The following CACNA1B variants were observed in gnomAD, a reference collection of about 807,000 sequenced individuals.
CACNA1B encodes voltage-dependent N-type calcium channel subunit alpha-1B.
In CACNA1B, 70 loss-of-function variants were observed where a neutral mutation model predicts 247.2. That is an observed-to-expected ratio of 0.28 (90% CI 0.23 to 0.35). The LOEUF is 0.35. Ranked by LOEUF, CACNA1B falls within the 10% of genes least tolerant of loss-of-function variation. CACNA1B has a pLI of 1.00. For synonymous variants in CACNA1B, 1,231 were observed against 1,294.4 expected, an observed-to-expected ratio of 0.95 and a Z score of 1.05; for missense variants, 2,367 against 3,197.4, an observed-to-expected ratio of 0.74 and a Z score of 6.26.
chr9:137,960,785 C>T (rs1226148183), intron 10 of CACNA1B, among the ~76,000 whole-genome samples: 1 of 152,050 alleles, frequency 6.6e-6, no homozygotes, highest in East Asian at 1.9e-4. Context: ...AGAGGGGTGA[C>T]ACCCTCTGGC....
chr9:138,107,057 C>T (rs1386958152), intron 39 of CACNA1B, among the ~76,000 whole-genome samples: 2 of 152,052 alleles, frequency 1.3e-5, no homozygotes, highest in African/African-American at 4.8e-5. Context: ...TGCCTTTGTG[C>T]CATGGAATGT....
chr9:137,973,843 G>A lies in CACNA1B; in HGVS notation c.1544-2064G>A, dbSNP rs970591819. Among the ~76,000 whole-genome samples the A allele has an allele frequency of 1.3e-5, 2 of 152,192 alleles. No homozygotes were observed. Among genetic ancestry groups the A allele is most frequent in the African/African-American group, 2.4e-5 (1 of 41,430 alleles). Reference sequence around the variant, plus strand: ...TGAGAGGGCAGACAGGATGTTGGAGGATTTCAGATCTCTTTCTCTGAAAGT... The same window carrying A: ...TGAGAGGGCAGACAGGATGTTGGAGAATTTCAGATCTCTTTCTCTGAAAGT... On this transcript the variant is annotated intron_variant, in intron 11 of 46. Transcript: ENST00000371372. The surrounding 1 kb of genome is among the most constrained non-coding windows in gnomAD (Gnocchi z 4.1).
At position 137,986,996 on chromosome 9, in the gene CACNA1B, A is replaced by G; in HGVS notation, c.1974+142A>G. 1 of 767,398 alleles carries G rather than the reference A, an allele frequency of 1.3e-6. No homozygotes were observed. Among genetic ancestry groups the G allele is most frequent in the Non-Finnish European group, 2.3e-6 (1 of 437,932 alleles). 47.5% of individuals were successfully genotyped at this position (767,398 alleles called of 1,614,324 possible). On this transcript the variant is annotated intron_variant, in intron 15 of 46. Transcript: ENST00000371372. The surrounding 1 kb of genome is among the most constrained non-coding windows in gnomAD (Gnocchi z 6.0). ...GACTTTTCAGACACAGTGTTCCTCA[A>G]ACGAGGGAAGCACAGGCAGTCAGCA...
At chr9:138,092,677 A>G (rs1469596682) in intron 36 of CACNA1B, among the ~76,000 whole-genome samples, 1 of 152,256 alleles carries the variant, frequency 6.6e-6, no homozygotes, top group Non-Finnish European at 1.5e-5. Context: ...ATAGGAAATT[A>G]TAAGAGTATT....
Position 138,049,278 on chromosome 9 carries a change from A to G in CACNA1B, c.3673A>G (p.Ile1225Val), listed in dbSNP as rs200164302. Residue 1225 changes from isoleucine to valine, a missense_variant, in exon 24 of 47, where the codon ATT becomes GTT. Ile to Val is a conservative substitution (Grantham distance 29, BLOSUM62 3). Around this residue, in one of 12 missense-constraint regions of CACNA1B, gnomAD observed 436 missense variants for 679.5 expected, o/e 0.64. Transcript: ENST00000371372. The part of the protein sequence containing the change: ...FRDLWNILDF[I>V]VVSGALVAFA... ...GGACTTGTGGAACATTCTGGACTTC[A>G]TTGTGGTCAGTGGCGCCCTGGTGGC... 1,704 of 1,613,556 alleles carry G rather than the reference A, an allele frequency of 1.1e-3. 28 individuals are homozygous for G. The South Asian group carries it at 0.018, about 17-fold the overall frequency.
intron 38 of CACNA1B, 98 bp from the exon 39 acceptor site, chr9:138,105,601 A>G (rs1375915127): frequency 1.4e-6 from 1 of 696,984 alleles, no homozygotes; most frequent in Non-Finnish European, 2.5e-6. Context: ...CACCACTGGG[A>G]TGCCCAGCCC....
Position 138,058,688 on chromosome 9 carries a change from C to T in CACNA1B, c.4428C>T (p.Phe1476=), listed in dbSNP as rs754511998. The change falls in exon 29 of 47, where the codon TTC becomes TTT. Residue 1476 remains phenylalanine (F), a synonymous_variant. Transcript: ENST00000371372. The surrounding 1 kb of genome is among the most constrained non-coding windows in gnomAD (Gnocchi z 4.7). ...TFVVSPPFEY[F]IMAMIALNTV... The stretch of plus-strand genomic sequence containing the variant: ...TGGTCTCCCCGCCCTTTGAATACTT[C>T]ATCATGGCCATGATAGCCCTCAACA... The T allele has an allele frequency of 6.2e-7, 1 of 1,611,858 alleles. No homozygotes were observed. Among genetic ancestry groups the T allele is most frequent in the South Asian group, 1.1e-5 (1 of 90,524 alleles).
chr9:138,116,797 C>T (rs547312698), intron 42 of CACNA1B, among the ~76,000 whole-genome samples: 75 of 152,210 alleles, frequency 4.9e-4, no homozygotes, highest in Non-Finnish European at 9.1e-4. Context: ...CTCCGGTTCT[C>T]CTAACCACCC....
Position 138,118,649 on chromosome 9 carries a change from C to T in CACNA1B, c.5914-3C>T, listed in dbSNP as rs1307739040. 1 of 1,458,474 alleles carries T rather than the reference C, an allele frequency of 6.9e-7. No homozygotes were observed. 90.3% of individuals were successfully genotyped at this position (1,458,474 alleles called of 1,614,324 possible). ...TGGGACTAGGTGAGTGCTGTATCCACAGGCTGTGGACGTTCAGATGCAGAG... is the reference window on the plus strand; with the variant it reads ...TGGGACTAGGTGAGTGCTGTATCCATAGGCTGTGGACGTTCAGATGCAGAG... On this transcript the variant is annotated splice_polypyrimidine_tract_variant and splice_region_variant and intron_variant, in intron 43 of 46. Coordinates refer to ENST00000371372, the MANE Select transcript of CACNA1B (RefSeq NM_000718.4).
chr9:138,032,872 T>A (rs917972840), intron 20 of CACNA1B: 1 of 316,998 alleles, frequency 3.2e-6, no homozygotes, highest in Non-Finnish European at 6.1e-6. Context: ...TCCTTTAAGT[T>A]TATCTTGTTT....
In CACNA1B at chr9:138,063,433, G is replaced by A. The variant is rs530152977; in HGVS notation, c.4668+3696G>A. On this transcript the variant is annotated intron_variant, in intron 31 of 46. Coordinates refer to ENST00000371372, the MANE Select transcript of CACNA1B (RefSeq NM_000718.4). ...CACTTGAGCCCAGGAAGTCAAGGCT[G>A]CAGTGAGCTATGATCGCACCACTGC... 3.9e-5 allele frequency among the ~76,000 whole-genome samples: 6 copies of A among 152,366 alleles called. No homozygotes were observed. The South Asian group carries it at 1.0e-3, about 26-fold the overall frequency.
intron 15 of CACNA1B, among the ~76,000 whole-genome samples, chr9:138,001,847 A>T (rs1958581183): frequency 6.6e-6 from 1 of 152,214 alleles, no homozygotes; most frequent in Non-Finnish European, 1.5e-5. Context: ...AAATAAATCT[A>T]ACTAAAATTG....
At chr9:138,117,351 A>G (rs962598288) in intron 42 of CACNA1B, among the ~76,000 whole-genome samples, 1 of 152,100 alleles carries the variant, frequency 6.6e-6, no homozygotes, top group Admixed American at 6.6e-5. Flanking sequence ...AAGCCCCTAG[A>G]GGAGGAAGCC....
intron 10 of CACNA1B, among the ~76,000 whole-genome samples, chr9:137,966,076 A>G (rs1224920616): frequency 6.6e-6 from 1 of 152,112 alleles, no homozygotes; most frequent in Non-Finnish European, 1.5e-5. Context: ...TCGACATTGA[A>G]TGTCATTGGT....
rs772545539 is a variant in CACNA1B, at chr9:138,120,787, G to A, written c.6395G>A (p.Arg2132His). 7 of 1,554,670 alleles carry A rather than the reference G, an allele frequency of 4.5e-6. No individual in the cohort carries two copies. In the African/African-American group the frequency reaches 5.5e-5, roughly 12 times the overall value. The part of the protein sequence containing the change: ...SEKQRFYSCD[R>H]FGGREPPKPK... ...AAGCAGCGCTTCTACTCCTGCGACC[G>A]CTTTGGGGGCCGTGAGCCCCCGAAG... Residue 2132 changes from arginine to histidine, a missense_variant, in exon 46 of 47, where the codon CGC (arginine) becomes CAC (histidine). Arg to His is a conservative substitution (Grantham distance 29). Transcript: ENST00000371372.
chr9:137,892,641 G>T, intron 3 of CACNA1B: 1 of 343,030 alleles, frequency 2.9e-6, no homozygotes, highest in Non-Finnish European at 5.8e-6. Context: ...GAGACTGCAG[G>T]CAGGAGGGAC....
At chr9:137,885,956 C>T (rs1957004806) in intron 3 of CACNA1B, among the ~76,000 whole-genome samples, 2 of 151,842 alleles carry the variant, frequency 1.3e-5, no homozygotes, top group East Asian at 3.9e-4. Context: ...CAGCCATGCT[C>T]TTGACTGGGT....
At chr9:137,949,043 T>TGA in intron 6 of CACNA1B, among the ~76,000 whole-genome samples, 1 of 138,558 alleles carries the variant, frequency 7.2e-6, no homozygotes, top group East Asian at 2.2e-4. Flanking sequence ...GTGTGTGGTG[T>TGA]GTGTGTGGGT....
chr9:137,883,113 C>A, intron 3 of CACNA1B: 1 of 551,714 alleles, frequency 1.8e-6, no homozygotes, highest in Non-Finnish European at 3.2e-6. Context: ...TCACAGTGAC[C>A]TGTCCCCAGG....
Sources: allele counts gnomAD v4.1 joint callset (sites outside exome capture counted in the v4.1 genomes callset), GRCh38; gene constraint gnomAD v4.1.1; regional missense constraint gnomAD v4.1.1; non-coding constraint Gnocchi (gnomAD v3.1); transcripts MANE v1.5; gene names NCBI Gene and HGNC (gene_info 2026-07-23, HGNC 2026-07-21).